LOXL3: variants seen among roughly 807,000 people sequenced by gnomAD.
LOXL3 encodes lysyl oxidase homolog 3.
A neutral mutation model predicts 91.8 loss-of-function variants in LOXL3; 60 were observed. The ratio of observed to expected loss-of-function variants is 0.65; its 90% CI spans 0.53 to 0.81. LOXL3 has a LOEUF of 0.81. Ranked by LOEUF, LOXL3 falls within the 30% of genes least tolerant of loss-of-function variation. LOXL3 has a pLI of 0.00. For synonymous variants in LOXL3, 355 were observed against 387.6 expected (o/e 0.92, Z 0.99); for missense variants, 874 against 1,000.4 (o/e 0.87, Z 1.70).
rs546435197 is a variant in LOXL3, at chr2:74,535,575, C to T, written c.1416+13G>A. 3.2e-5 allele frequency: 52 copies of T among 1,613,716 alleles called. No homozygotes were observed. In the East Asian group the frequency reaches 7.6e-4, roughly 24 times the overall value. On this transcript the variant is annotated intron_variant, in intron 8 of 13. Transcript: ENST00000264094. This position sits in a 1 kb window ranked among gnomAD's most constrained non-coding sequence, Gnocchi z 4.2. ...GAGACAACAGCCTCGGCTCCCCTTTCCTTCCCACTCACCTGCAGGCCGTGG... is the reference window on the plus strand; with the variant it reads ...GAGACAACAGCCTCGGCTCCCCTTTTCTTCCCACTCACCTGCAGGCCGTGG...
rs896730174 is a variant in LOXL3 at position 74,536,253 on chromosome 2, C to T, written c.1093+38G>A. 7.4e-6 allele frequency: 12 copies of T among 1,612,090 alleles called. No homozygotes were observed. The highest frequency in any genetic ancestry group is 2.2e-5 in the South Asian group (2 of 91,008). ...GGAATATGCCCCCCAGGAGCATGTACCTCCTTCCCTCTCCCTCCCACCTCC... is the reference window on the plus strand; with the variant it reads ...GGAATATGCCCCCCAGGAGCATGTATCTCCTTCCCTCTCCCTCCCACCTCC... On this transcript the variant is annotated intron_variant, in intron 6 of 13. Transcript: ENST00000264094. The surrounding 1 kb of genome is among the most constrained non-coding windows in gnomAD (Gnocchi z 4.5).
rs1676892333 is a variant in LOXL3 at position 74,549,923 on chromosome 2, GAGA to G, written c.477+259_477+261del. On this transcript the variant is annotated intron_variant, in intron 3 of 13. Coordinates refer to ENST00000264094, the MANE Select transcript of LOXL3 (RefSeq NM_032603.5). This position sits in a 1 kb window ranked among gnomAD's most constrained non-coding sequence, Gnocchi z 5.3. ...TCTCAGGAAAGCAGGAACATTTGAG[GAGA>G]AGGAGAGCACCAGGTGCCCCAGGGG... 1.0e-6 allele frequency: 1 copy of G among 985,462 alleles called. No homozygotes were observed. Among genetic ancestry groups the G allele is most frequent in the South Asian group, 4.7e-5 (1 of 21,286 alleles). The allele number at this position is 985,462 out of a possible 1,614,324, so 61.0% of individuals were successfully genotyped here. A position where few individuals can be genotyped will look rare whatever the true frequency, so the allele number is the denominator to read the frequency against.
chr2:74,532,977 A>C lies in LOXL3; in HGVS notation c.*629T>G. The C allele has an allele frequency of 6.2e-7, 1 of 1,613,942 alleles. No homozygotes were observed. The highest frequency in any genetic ancestry group is 8.5e-7 in the Non-Finnish European group (1 of 1,179,920). On this transcript the variant is annotated 3_prime_UTR_variant, in exon 14 of 14. Transcript: ENST00000264094. The stretch of plus-strand genomic sequence containing the variant: ...GACCTTATATGTGACCCCTGAGGTC[A>C]CAGAATGAATAGATCACCAAGAGTA...
Position 74,534,541 on chromosome 2 carries a change from C to T in LOXL3, c.1813G>A (p.Glu605Lys), listed in dbSNP as rs751461263. Residue 605 changes from glutamate (E) to lysine (K), a missense_variant, in exon 10 of 14, where the codon GAG becomes AAG. Transcript: ENST00000264094. Reference sequence around the variant, plus strand: ...TCCCTACCCTCTCACCCATGGCACTCGTGCCACACCCAGGAGTGGCGCCCA... The same window carrying T: ...TCCCTACCCTCTCACCCATGGCACTTGTGCCACACCCAGGAGTGGCGCCCA... ...KAGRHSWVWH[E>K]CHGHYHSMDI... 1.1e-5 allele frequency: 18 copies of T among 1,614,014 alleles called. No individual in the cohort carries two copies. The highest frequency in any genetic ancestry group is 7.7e-5 in the South Asian group (7 of 91,064).
chr2:74,533,719 G>C, intron 13 of LOXL3, 40 bp from the exon 14 acceptor site: 2 of 1,584,674 alleles, frequency 1.3e-6, no homozygotes, highest in Non-Finnish European at 1.7e-6. Context: ...GCCCTGCACA[G>C]AGGGAGGGAG....
rs746881352 is a variant in LOXL3, at chr2:74,532,659, G to T, written c.*947C>A. 6 of 1,613,578 alleles carry T rather than the reference G, an allele frequency of 3.7e-6. No homozygotes were observed. Among genetic ancestry groups the T allele is most frequent in the South Asian group, 3.3e-5 (3 of 91,016 alleles). ...ACAGCTTCGAGAACCAAGCTTTCCC[G>T]ATGTTCAGCATGGTGTACTCATCCA... On this transcript the variant is annotated 3_prime_UTR_variant, in exon 14 of 14. Coordinates refer to ENST00000264094, the MANE Select transcript of LOXL3 (RefSeq NM_032603.5).
At chr2:74,533,829 C>A (rs529714927) in intron 13 of LOXL3, 53 bp downstream of exon 13, 1 of 1,500,528 alleles carries the variant, frequency 6.7e-7, no homozygotes, top group Non-Finnish European at 9.3e-7. Context: ...AGAGAATGAA[C>A]GTCTTTCCCT....
intron 1 of LOXL3, among the ~76,000 whole-genome samples, chr2:74,553,392 GGAGGGC>G (rs925646496): frequency 1.3e-5 from 2 of 152,220 alleles, no homozygotes; most frequent in African/African-American, 4.8e-5. Flanking sequence ...AAGAGGCCCA[GGAGGGC>G]CAGGCCTCAA....
In LOXL3 at chr2:74,549,770, G is replaced by A; in HGVS notation, c.478-187C>T. 1 of 1,428,678 alleles carries A rather than the reference G, an allele frequency of 7.0e-7. No individual in the cohort carries two copies. Among genetic ancestry groups the A allele is most frequent in the Admixed American group, 2.9e-5 (1 of 34,500 alleles). The allele number at this position is 1,428,678 out of a possible 1,614,324, so 88.5% of individuals were successfully genotyped here. A position where few individuals can be genotyped will look rare whatever the true frequency, so the allele number is the denominator to read the frequency against. ...TGGACTCTCTTGCAGCCAGCAGCGC[G>A]TGGGATGTGCTGTGCTCCCAGAGAG... On this transcript the variant is annotated intron_variant, in intron 3 of 13. Transcript: ENST00000264094. This position sits in a 1 kb window ranked among gnomAD's most constrained non-coding sequence, Gnocchi z 5.3.
chr2:74,553,486 C>A (rs561856918), intron 1 of LOXL3, among the ~76,000 whole-genome samples: 1 of 152,214 alleles, frequency 6.6e-6, no homozygotes, highest in Non-Finnish European at 1.5e-5. Flanking sequence ...AACGGGAGGC[C>A]AGGCGCTATG....
intron 3 of LOXL3, 62 bp downstream of exon 3, chr2:74,550,123 C>G: frequency 6.5e-7 from 1 of 1,539,010 alleles, no homozygotes. Flanking sequence ...CTCCGCTAAC[C>G]ACCCCACAGT....
rs374218873 is a variant in LOXL3 at position 74,536,101 on chromosome 2, G to C, written c.1143C>G (p.Leu381=). Residue 381 remains leucine, a synonymous_variant, in exon 7 of 14, where the codon CTC becomes CTG. Coordinates refer to ENST00000264094, the MANE Select transcript of LOXL3 (RefSeq NM_032603.5). The surrounding 1 kb of genome is among the most constrained non-coding windows in gnomAD (Gnocchi z 4.5). ...LSEVRCSGQE[L]SLWKCPHKNI... ...TCTTGTGGGGGCACTTCCAGAGGGA[G>C]AGCTCCTGTCCAGAGCAGCGAACTT... 5.7e-5 allele frequency: 92 copies of C among 1,613,820 alleles called. No homozygotes were observed. Among genetic ancestry groups the C allele is most frequent in the Non-Finnish European group, 7.5e-5 (89 of 1,179,988 alleles).
intron 9 of LOXL3, 139 bp from the exon 10 acceptor site, chr2:74,534,913 C>T: frequency 9.7e-7 from 1 of 1,035,138 alleles, no homozygotes; most frequent in African/African-American, 1.6e-5. Flanking sequence ...GAGTCTCACT[C>T]TGTTGCCGAG....
In LOXL3 at chr2:74,536,367, A is replaced by AT; in HGVS notation, c.1016dup (p.His339GlnfsTer35). The AT allele has an allele frequency of 2.5e-6, 4 of 1,614,148 alleles. No homozygotes were observed. The African/African-American group carries it at 5.3e-5, about 22-fold the overall frequency. On this transcript the variant is annotated frameshift_variant, in exon 6 of 14. Transcript: ENST00000264094. LOFTEE classifies it high-confidence loss of function. This position sits in a 1 kb window ranked among gnomAD's most constrained non-coding sequence, Gnocchi z 4.5. Reference sequence around the variant, plus strand: ...GCTCCCGACACACCACGCTGGCTGCATGCAGGTCCCACTTGCGGTCACAGA... The same window carrying AT: ...GCTCCCGACACACCACGCTGGCTGCATTGCAGGTCCCACTTGCGGTCACAGA...
Position 74,532,586 on chromosome 2 carries a change from G to A in LOXL3, c.*1020C>T. 1.9e-6 allele frequency: 3 copies of A among 1,575,238 alleles called. No homozygotes were observed. The highest frequency in any genetic ancestry group is 1.1e-5 in the South Asian group (1 of 89,670). ...AACTCAGGATGGGGAGAATGCCTGG[G>A]TTTGGCTAATAGGGTGATCTGTGTA... On this transcript the variant is annotated 3_prime_UTR_variant, in exon 14 of 14. Transcript: ENST00000264094.
upstream of LOXL3, chr2:74,554,935 T>A (rs1298250895): frequency 1.3e-6 from 2 of 1,517,226 alleles, no homozygotes; most frequent in East Asian, 4.9e-5. The surrounding 1 kb of genome is among the most constrained non-coding windows in gnomAD (Gnocchi z 4.9). Flanking sequence ...GCCTGTGACT[T>A]TCCCGTGAAG....
rs760513035 is a variant in LOXL3 at position 74,533,644 on chromosome 2, C to T, written c.2224G>A (p.Glu742Lys). ...AFSEEANRRF[E>K]RYPGQTSNQI... is the part of the protein sequence containing the mutation. ...TTGCTGGTCTGGCCAGGGTAGCGTT[C>T]AAACCTCCTGTTGGCCTCTTCACTG... The change falls in exon 14 of 14, where the codon GAA becomes AAA. Residue 742 changes from glutamate to lysine, a missense_variant. Physicochemically the swap from Glu to Lys is moderately conservative, Grantham distance 56. Coordinates refer to ENST00000264094, the MANE Select transcript of LOXL3 (RefSeq NM_032603.5). 1.2e-6 allele frequency: 2 copies of T among 1,613,988 alleles called. No individual in the cohort carries two copies. The highest frequency in any genetic ancestry group is 1.7e-5 in the Admixed American group (1 of 60,008).
At chr2:74,543,832 C>T (rs1311628992) in intron 4 of LOXL3, among the ~76,000 whole-genome samples, 1 of 133,560 alleles carries the variant, frequency 7.5e-6, no homozygotes, top group Non-Finnish European at 1.5e-5. Context: ...ACCCAGGAGG[C>T]GGAGGTTGCA....
rs775070702 is a variant in LOXL3 at position 74,536,476 on chromosome 2, A to G, written c.913-5T>C. ...GCCCTTTAGACGGACACGGGCCTAT[A>G]GAAGAGAGAAGTGCCCAACAGAGGC... On this transcript the variant is annotated splice_polypyrimidine_tract_variant and splice_region_variant and intron_variant, in intron 5 of 13. Transcript: ENST00000264094. This position sits in a 1 kb window ranked among gnomAD's most constrained non-coding sequence, Gnocchi z 4.5. 1 of 1,610,056 alleles carries G rather than the reference A, an allele frequency of 6.2e-7. No individual in the cohort carries two copies. The highest frequency in any genetic ancestry group is 1.1e-5 in the South Asian group (1 of 90,866).
Sources: allele counts gnomAD v4.1 joint callset (sites outside exome capture counted in the v4.1 genomes callset), GRCh38; gene constraint gnomAD v4.1.1; non-coding constraint Gnocchi (gnomAD v3.1); transcripts MANE v1.5; gene names NCBI Gene and HGNC (gene_info 2026-07-23, HGNC 2026-07-21).